ANKS1B: variants seen among roughly 807,000 people sequenced by gnomAD.
The protein encoded by ANKS1B is ankyrin repeat and sterile alpha motif domain containing 1B, also known as ankyrin repeat and sterile alpha motif domain-containing protein 1B.
Under a neutral mutation model 148.3 loss-of-function variants are expected in ANKS1B, and 36 were observed. The ratio of observed to expected loss-of-function variants is 0.24; its 90% CI spans 0.19 to 0.32. ANKS1B has a LOEUF of 0.32. ANKS1B is among the 10% of genes least tolerant of loss of function. The pLI is 1.00. For missense variants in ANKS1B, 1,157 were observed against 1,542.6 expected, an observed-to-expected ratio of 0.75 and a Z score of 4.19; for synonymous variants, 542 against 560.8, an observed-to-expected ratio of 0.97 and a Z score of 0.47.
intron 10 of ANKS1B, among the ~76,000 whole-genome samples, chr12:99,475,220 G>C (rs1390575757): frequency 2.0e-5 from 3 of 150,694 alleles, no homozygotes; most frequent in Non-Finnish European, 3.0e-5. Flanking sequence ...ACTCCAGCCT[G>C]GGTGACAGAG....
chr12:99,500,441 A>C (rs545720013), intron 10 of ANKS1B, among the ~76,000 whole-genome samples: 1 of 152,290 alleles, frequency 6.6e-6, no homozygotes, highest in East Asian at 1.9e-4. Flanking sequence ...ACTTTCAGCC[A>C]TATGAGCTGG....
chr12:98,773,955 T>C (rs899568041), intron 24 of ANKS1B, among the ~76,000 whole-genome samples: 13 of 152,184 alleles, frequency 8.5e-5, no homozygotes, highest in Admixed American at 5.2e-4. Context: ...TCTTGTGTCC[T>C]GCTCCTCCTC....
chr12:99,950,182 A>G (rs935925802), intron 1 of ANKS1B, among the ~76,000 whole-genome samples: 5 of 146,924 alleles, frequency 3.4e-5, no homozygotes, highest in African/African-American at 1.3e-4. Context: ...GCTTGTCTCA[A>G]ACTCCTGGGC....
At chr12:99,648,137 G>T in intron 9 of ANKS1B, 1 of 1,584,122 alleles carries the variant, frequency 6.3e-7, no homozygotes, top group South Asian at 1.1e-5. Flanking sequence ...GGAAGGTGTG[G>T]AGCAGCTGCT....
rs1472149350 is a variant in ANKS1B at position 99,376,190 on chromosome 12, A to G, written c.1756+23441T>C. Among the ~76,000 whole-genome samples the G allele has an allele frequency of 2.0e-5, 3 of 152,240 alleles. No homozygotes were observed. In the East Asian group the frequency reaches 5.8e-4, roughly 29 times the overall value. On this transcript the variant is annotated intron_variant, in intron 12 of 26. Coordinates refer to ENST00000683438, the MANE Select transcript of ANKS1B (RefSeq NM_001352186.2). ...AGACATGCATCAGAACTCAATGCAT[A>G]TGATAAAACATTATCATGCCAACTC...
At chr12:98,872,907 C>G (rs532923133) in intron 17 of ANKS1B, among the ~76,000 whole-genome samples, 1 of 152,218 alleles carries the variant, frequency 6.6e-6, no homozygotes, top group Admixed American at 6.5e-5. Flanking sequence ...TTCCTCCAGC[C>G]TCTGTGCCTG....
chr12:98,871,681 T>C (rs2099669778), intron 17 of ANKS1B, among the ~76,000 whole-genome samples: 1 of 152,142 alleles, frequency 6.6e-6, no homozygotes, highest in African/African-American at 2.4e-5. Context: ...CAGTTACACA[T>C]TTGAGGAGCT....
intron 1 of ANKS1B, among the ~76,000 whole-genome samples, chr12:99,886,348 C>A (rs1270745048): frequency 6.6e-6 from 1 of 152,200 alleles, no homozygotes; most frequent in Non-Finnish European, 1.5e-5. Context: ...TATCAGAATA[C>A]AAGCAGTACA....
intron 9 of ANKS1B, among the ~76,000 whole-genome samples, chr12:99,605,567 G>T (rs1026734157): frequency 6.6e-6 from 1 of 151,962 alleles, no homozygotes; most frequent in African/African-American, 2.4e-5. Flanking sequence ...TCCCACATAT[G>T]AGTGAGAATA....
At chr12:99,877,233 C>G (rs976342815) in intron 1 of ANKS1B, among the ~76,000 whole-genome samples, 7 of 152,166 alleles carry the variant, frequency 4.6e-5, no homozygotes, top group Non-Finnish European at 8.8e-5. Context: ...ATACCTTTTC[C>G]TTTTTCTAAT....
intron 15 of ANKS1B, among the ~76,000 whole-genome samples, chr12:99,146,617 T>G (rs1341959736): frequency 1.3e-5 from 2 of 152,146 alleles, no homozygotes; most frequent in Non-Finnish European, 2.9e-5. Flanking sequence ...GAAGGTTGGA[T>G]CGTGCTCTGA....
chr12:99,416,638 A>G (rs2094918145), intron 11 of ANKS1B, among the ~76,000 whole-genome samples: 1 of 152,222 alleles, frequency 6.6e-6, no homozygotes, highest in Non-Finnish European at 1.5e-5. Flanking sequence ...GCTGCCATCT[A>G]CATATCCTCT....
At position 99,850,281 on chromosome 12, in the gene ANKS1B, G is replaced by GTCTCTCCCTCTCTCTCTCTCTCTCTC. The variant is rs57015094; in HGVS notation, c.135-24893_135-24892insGAGAGAGAGAGAGAGAGAGGGAGAGA. Reference sequence around the variant, plus strand: ...TTGAGAAAACAGCAGAAGCAAGAAAGTCTCTCTCTCTCTCTCTCTCTCTCT... The same window carrying GTCTCTCCCTCTCTCTCTCTCTCTCTC: ...TTGAGAAAACAGCAGAAGCAAGAAAGTCTCTCCCTCTCTCTCTCTCTCTCTCTCTCTCTCTCTCTCTCTCTCTCTCT... On this transcript the variant is annotated intron_variant, in intron 1 of 26. Transcript: ENST00000683438. Among the ~76,000 whole-genome samples, 1,015 of 114,164 alleles carry GTCTCTCCCTCTCTCTCTCTCTCTCTC rather than the reference G, an allele frequency of 8.9e-3. 77 individuals carry two copies. Among genetic ancestry groups the GTCTCTCCCTCTCTCTCTCTCTCTCTC allele is most frequent in the Admixed American group, 0.011 (129 of 11,594 alleles). 74.9% of individuals were successfully genotyped at this position (114,164 alleles called of 152,430 possible).
chr12:99,065,734 T>A (rs1224195448), intron 16 of ANKS1B, among the ~76,000 whole-genome samples: 1 of 152,190 alleles, frequency 6.6e-6, no homozygotes, highest in Non-Finnish European at 1.5e-5. Flanking sequence ...ACTAACAGTA[T>A]GTTTGCTATA....
chr12:99,451,992 G>T (rs1233337510), intron 10 of ANKS1B, among the ~76,000 whole-genome samples: 1 of 152,096 alleles, frequency 6.6e-6, no homozygotes, highest in Non-Finnish European at 1.5e-5. Context: ...TCAAATATAA[G>T]TATTTAATAA....
At chr12:99,672,996 T>C (rs760212940) in intron 8 of ANKS1B, among the ~76,000 whole-genome samples, 2 of 152,130 alleles carry the variant, frequency 1.3e-5, no homozygotes, top group Non-Finnish European at 2.9e-5. Context: ...TAAAATCAAA[T>C]TAGTGTTTTG....
intron 14 of ANKS1B, among the ~76,000 whole-genome samples, chr12:99,182,992 A>G (rs34570636): frequency 0.13 from 19,077 of 152,138 alleles, 1,446 homozygotes; most frequent in South Asian, 0.25. Context: ...TCTTTTGCTC[A>G]GTTTTAAATC....
chr12:99,221,257 G>A (rs975656014), intron 14 of ANKS1B, among the ~76,000 whole-genome samples: 4 of 152,014 alleles, frequency 2.6e-5, no homozygotes, highest in Admixed American at 6.6e-5. Flanking sequence ...GGAGAATGGC[G>A]TGAACCCGGG....
intron 1 of ANKS1B, among the ~76,000 whole-genome samples, chr12:99,899,432 G>A (rs945710580): frequency 2.2e-4 from 34 of 151,956 alleles, no homozygotes; most frequent in African/African-American, 5.6e-4. Flanking sequence ...AATCTAATAC[G>A]TATTGCATTT....
Sources: allele counts gnomAD v4.1 joint callset (sites outside exome capture counted in the v4.1 genomes callset), GRCh38; gene constraint gnomAD v4.1.1; transcripts MANE v1.5; gene names NCBI Gene and HGNC (gene_info 2026-07-23, HGNC 2026-07-21).